ZNF804B: variants seen among roughly 807,000 people sequenced by gnomAD.
ZNF804B encodes zinc finger protein 804B.
A neutral mutation model predicts 101.4 loss-of-function variants in ZNF804B; 80 were observed. The observed-to-expected ratio is 0.79, with a 90% CI of 0.66 to 0.95. ZNF804B has a LOEUF of 0.95. ZNF804B is among the 40% of genes least tolerant of loss of function. ZNF804B has a pLI of 0.00. For missense variants in ZNF804B, 1,673 were observed against 1,561.9 expected (o/e 1.07, Z -1.20); for synonymous variants, 622 against 558.8 (o/e 1.11, Z -1.59).
chr7:88,814,594 T>C (rs1336481957), intron 1 of ZNF804B, among the ~76,000 whole-genome samples: 1 of 152,138 alleles, frequency 6.6e-6, no homozygotes, highest in Non-Finnish European at 1.5e-5. Flanking sequence ...ATGGATTTCA[T>C]GTAAAGACAA....
intron 2 of ZNF804B, among the ~76,000 whole-genome samples, chr7:89,236,310 C>T (rs1789278233): frequency 6.6e-6 from 1 of 151,864 alleles, no homozygotes; most frequent in Non-Finnish European, 1.5e-5. Context: ...GTAATGATTC[C>T]TAGAGCGGTG....
At chr7:89,300,699 T>C (rs1023394068) in intron 2 of ZNF804B, among the ~76,000 whole-genome samples, 1 of 151,896 alleles carries the variant, frequency 6.6e-6, no homozygotes, top group African/African-American at 2.4e-5. Flanking sequence ...GAGAGGTATA[T>C]ACTGAGTGCC....
chr7:88,807,617 G>T lies in ZNF804B; in HGVS notation c.108+47533G>T, dbSNP rs528637481. ...TCTGAGTAAGTGGATGATAATCCTG[G>T]TGCTGGGTGCCAGTGTCTTTTTATT... On this transcript the variant is annotated intron_variant, in intron 1 of 3. Transcript: ENST00000333190. Among the ~76,000 whole-genome samples the T allele has an allele frequency of 3.9e-4, 59 of 152,190 alleles. 1 individual carries two copies. The South Asian group carries it at 4.8e-3, about 12-fold the overall frequency.
intron 1 of ZNF804B, among the ~76,000 whole-genome samples, chr7:88,789,171 T>C (rs1271900919): frequency 6.6e-6 from 1 of 151,952 alleles, no homozygotes; most frequent in African/African-American, 2.4e-5. Context: ...AACACAGAAA[T>C]GGTAATAAGA....
In ZNF804B at chr7:88,900,038, A is replaced by T. The variant is rs114006828; in HGVS notation, c.108+139954A>T. ...TATGAATAGTACAGTGAAACAGTAA[A>T]CATGTTCTAAGGCTGTGTTTAACAT... On this transcript the variant is annotated intron_variant, in intron 1 of 3. Coordinates refer to ENST00000333190, the MANE Select transcript of ZNF804B (RefSeq NM_181646.5). Among the ~76,000 whole-genome samples, 1,112 of 152,242 alleles carry T rather than the reference A, an allele frequency of 7.3e-3. 18 individuals are homozygous for T. Among genetic ancestry groups the T allele is most frequent in the African/African-American group, 0.025 (1,045 of 41,566 alleles).
chr7:88,870,966 A>T (rs1416188861), intron 1 of ZNF804B, among the ~76,000 whole-genome samples: 2 of 152,058 alleles, frequency 1.3e-5, no homozygotes, highest in Non-Finnish European at 2.9e-5. Flanking sequence ...TGTTAATAAG[A>T]TTCAGTAATG....
intron 1 of ZNF804B, among the ~76,000 whole-genome samples, chr7:88,920,908 C>T (rs1232899208): frequency 2.0e-5 from 3 of 151,928 alleles, no homozygotes; most frequent in Non-Finnish European, 4.4e-5. Flanking sequence ...TATTTGCGTG[C>T]AACCCATGTC....
chr7:88,789,005 A>G (rs190975309), intron 1 of ZNF804B, among the ~76,000 whole-genome samples: 1 of 152,156 alleles, frequency 6.6e-6, no homozygotes, highest in Admixed American at 6.6e-5. Flanking sequence ...TTTGGTCTAA[A>G]TTGTATGGAA....
At chr7:89,301,528 T>C (rs1790473395) in intron 2 of ZNF804B, among the ~76,000 whole-genome samples, 1 of 151,932 alleles carries the variant, frequency 6.6e-6, no homozygotes, top group African/African-American at 2.4e-5. Context: ...TTCATTTCTC[T>C]TTTCTTTTCC....
chr7:88,789,595 T>C (rs917304003), intron 1 of ZNF804B, among the ~76,000 whole-genome samples: 5 of 152,118 alleles, frequency 3.3e-5, no homozygotes, highest in African/African-American at 1.2e-4. Flanking sequence ...ATGCACTGTT[T>C]TTACTACATA....
intron 1 of ZNF804B, among the ~76,000 whole-genome samples, chr7:88,944,275 A>G (rs978203126): frequency 1.3e-5 from 2 of 151,822 alleles, no homozygotes; most frequent in African/African-American, 4.8e-5. Flanking sequence ...TTGCCATTAA[A>G]AAATTAATTT....
intron 1 of ZNF804B, among the ~76,000 whole-genome samples, chr7:89,153,348 C>T (rs1193499489): frequency 6.6e-6 from 1 of 151,444 alleles, no homozygotes; most frequent in East Asian, 1.9e-4. Context: ...CTGCTCCTTT[C>T]TTGTGGCAGT....
chr7:88,764,072 A>G (rs1028962720), intron 1 of ZNF804B, among the ~76,000 whole-genome samples: 4 of 152,188 alleles, frequency 2.6e-5, no homozygotes, highest in African/African-American at 9.6e-5. Flanking sequence ...ATTCAATAAA[A>G]CAAATAGCTT....
intron 2 of ZNF804B, among the ~76,000 whole-genome samples, chr7:89,275,003 C>T (rs1334563920): frequency 6.6e-6 from 1 of 151,912 alleles, no homozygotes; most frequent in African/African-American, 2.4e-5. Flanking sequence ...ATGTGTAGCT[C>T]TGAAATGAAT....
At chr7:89,263,304 T>A (rs1789737681) in intron 2 of ZNF804B, among the ~76,000 whole-genome samples, 1 of 152,160 alleles carries the variant, frequency 6.6e-6, no homozygotes, top group South Asian at 2.1e-4. Context: ...TTCCACGCCC[T>A]ACCAGCACAG....
intron 1 of ZNF804B, among the ~76,000 whole-genome samples, chr7:89,182,827 G>T (rs1346585351): frequency 6.6e-6 from 1 of 152,076 alleles, no homozygotes; most frequent in Non-Finnish European, 1.5e-5. Context: ...GAGTTACTTT[G>T]CCCATTTCTT....
chr7:89,312,282 T>C lies in ZNF804B; in HGVS notation c.250-15062T>C, dbSNP rs141254375. On this transcript the variant is annotated intron_variant, in intron 2 of 3. Transcript: ENST00000333190. ...GGCCTGGCTGTATCGCTCCAGAACATTGGGCTCAGCCAGTTAAACTCTGAC... is the reference window on the plus strand; with the variant it reads ...GGCCTGGCTGTATCGCTCCAGAACACTGGGCTCAGCCAGTTAAACTCTGAC... Among the ~76,000 whole-genome samples, 352 of 152,264 alleles carry C rather than the reference T, an allele frequency of 2.3e-3. 2 individuals carry two copies. Among genetic ancestry groups the C allele is most frequent in the African/African-American group, 8.2e-3 (341 of 41,558 alleles).
At chr7:89,193,281 T>TA (rs989623534) in intron 1 of ZNF804B, among the ~76,000 whole-genome samples, 1 of 151,154 alleles carries the variant, frequency 6.6e-6, no homozygotes, top group Non-Finnish European at 1.5e-5. Flanking sequence ...TCGTTTTTTT[T>TA]TTTTATAGTC....
At chr7:89,215,450 C>A in intron 1 of ZNF804B, among the ~76,000 whole-genome samples, 1 of 151,934 alleles carries the variant, frequency 6.6e-6, no homozygotes, top group African/African-American at 2.4e-5. Flanking sequence ...ACATTTTTAG[C>A]CTCAAATCTA....
Sources: gnomAD v4.1 joint callset for allele counts (sites outside exome capture counted in the v4.1 genomes callset) on GRCh38, gnomAD v4.1.1 for gene constraint, MANE v1.5 for transcripts, NCBI Gene and HGNC (gene_info 2026-07-23, HGNC 2026-07-21) for gene names.